The following BIRC6 variants were observed in gnomAD, a reference collection of about 807,000 sequenced individuals.
The protein encoded by BIRC6 is baculoviral IAP repeat containing 6, also known as dual E2 ubiquitin-conjugating enzyme/E3 ubiquitin-protein ligase BIRC6.
Under a neutral mutation model 503.3 loss-of-function variants are expected in BIRC6, and 98 were observed. The observed-to-expected ratio is 0.19, with a 90% CI of 0.17 to 0.23. The LOEUF (loss-of-function observed/expected upper bound fraction) is 0.23, where lower values mean the gene tolerates loss of function less well. Ranked by LOEUF, BIRC6 falls within the 10% of genes least tolerant of loss-of-function variation. BIRC6 has a pLI of 1.00. For missense variants in BIRC6, 5,360 were observed against 5,806.0 expected, an observed-to-expected ratio of 0.92 and a Z score of 2.50; for synonymous variants, 2,240 against 2,078.7, an observed-to-expected ratio of 1.08 and a Z score of -2.11.
chr2:32,473,008 A>G, intron 32 of BIRC6, 104 bp from the exon 33 acceptor site: 2 of 963,836 alleles, frequency 2.1e-6, no homozygotes, highest in Non-Finnish European at 3.0e-6. Context: ...ACTGCTTTTC[A>G]TGATTGACAC....
In BIRC6 at chr2:32,574,160, CTTT is replaced by C. The variant is rs1055060322; in HGVS notation, c.13145-979_13145-977del. Among the ~76,000 whole-genome samples, 1,241 of 124,682 alleles carry C rather than the reference CTTT, an allele frequency of 1.0e-2. 8 individuals are homozygous for C. Among genetic ancestry groups the C allele is most frequent in the Middle Eastern group, 0.024 (6 of 246 alleles). The allele number at this position is 124,682 out of a possible 152,430, so 81.8% of individuals were successfully genotyped here. ...TTTGAGAATCCAAGTATAACTTTTT[CTTT>C]TTTTTTTTTTTTTTTTGAGGCGGGA... is the stretch of plus-strand genomic sequence containing the variant. On this transcript the variant is annotated intron_variant, in intron 65 of 73. Coordinates refer to ENST00000421745, the MANE Select transcript of BIRC6 (RefSeq NM_016252.4).
chr2:32,443,507 C>G lies in BIRC6; in HGVS notation c.4255C>G (p.Pro1419Ala), dbSNP rs1344762041. The stretch of plus-strand genomic sequence containing the variant: ...ATTTTTCAGTAATGGCAAATGTGAC[C>G]CATGTCAACCAGCATTTGGACCTGT... ...ALCISNGKCD[P>A]CQPAFGPVLL... The change falls in exon 20 of 74, where the codon CCA becomes GCA. Residue 1419 changes from proline (P) to alanine (A), a missense_variant. Physicochemically the swap from Pro to Ala is conservative, Grantham distance 27 (BLOSUM62 -1). This residue lies in a region of BIRC6 where 2,299 missense variants were observed against 2,267.2 expected (regional missense o/e 1.01). Coordinates refer to ENST00000421745, the MANE Select transcript of BIRC6 (RefSeq NM_016252.4). The G allele has an allele frequency of 1.9e-6, 3 of 1,603,424 alleles. No homozygotes were observed. The Admixed American group carries it at 5.1e-5, about 27-fold the overall frequency.
chr2:32,572,151 T>C (rs1466967960), intron 65 of BIRC6, among the ~76,000 whole-genome samples: 4 of 152,216 alleles, frequency 2.6e-5, no homozygotes, highest in African/African-American at 9.6e-5. Flanking sequence ...TAACGTGGTC[T>C]GTCTAGGAGA....
intron 62 of BIRC6, among the ~76,000 whole-genome samples, chr2:32,544,579 G>T (rs2057919726): frequency 6.7e-6 from 1 of 148,240 alleles, no homozygotes; most frequent in African/African-American, 2.5e-5. Context: ...AAAATCACAT[G>T]GTTTTGATTA....
chr2:32,442,369 T>A lies in BIRC6; in HGVS notation c.4152T>A (p.Phe1384Leu), dbSNP rs185120003. ...NENLLSKTRKFLSDIVRVCFF... is the reference protein window; with the variant it reads ...NENLLSKTRKLLSDIVRVCFF... ...ACCTACTTTCAAAAACACGAAAATT[T>A]CTGTCAGACATCGTACGTGTTTGCT... The change falls in exon 19 of 74, where the codon TTT (phenylalanine) becomes TTA (leucine). Residue 1384 changes from phenylalanine (F) to leucine (L), a missense_variant. Coordinates refer to ENST00000421745, the MANE Select transcript of BIRC6 (RefSeq NM_016252.4). 107 of 1,612,470 alleles carry A rather than the reference T, an allele frequency of 6.6e-5. No homozygotes were observed. The East Asian group carries it at 2.3e-3, about 35-fold the overall frequency.
intron 6 of BIRC6, among the ~76,000 whole-genome samples, chr2:32,398,061 A>G (rs1052097553): frequency 1.3e-5 from 2 of 152,108 alleles, no homozygotes; most frequent in Non-Finnish European, 2.9e-5. Flanking sequence ...TCTGAATTGT[A>G]AAGGGGAAAG....
intron 9 of BIRC6, among the ~76,000 whole-genome samples, chr2:32,413,723 A>AT (rs1486171617): frequency 6.6e-6 from 1 of 151,858 alleles, no homozygotes; most frequent in African/African-American, 2.4e-5. Flanking sequence ...AAGAAAAAAA[A>AT]CAGCCTGGTA....
At chr2:32,475,159 TAAAAA>T (rs11394641) in intron 33 of BIRC6, among the ~76,000 whole-genome samples, 1 of 114,254 alleles carries the variant, frequency 8.8e-6, no homozygotes, top group Admixed American at 9.5e-5. Context: ...AAGACTATCT[TAAAAA>T]AAAAAAAAAA....
At chr2:32,525,047 A>AT in intron 58 of BIRC6, 28 bp downstream of exon 58, 1 of 1,455,624 alleles carries the variant, frequency 6.9e-7, no homozygotes, top group African/African-American at 1.5e-5. Context: ...TATAATCTTG[A>AT]TTTTGTTTGG....
intron 46 of BIRC6, among the ~76,000 whole-genome samples, chr2:32,500,487 G>A (rs1054880605): frequency 1.3e-5 from 2 of 150,428 alleles, no homozygotes; most frequent in Non-Finnish European, 3.0e-5. Context: ...GCGCGATCTC[G>A]GCTCACTGTA....
intron 66 of BIRC6, among the ~76,000 whole-genome samples, chr2:32,583,734 A>AT (rs772571678): frequency 6.6e-6 from 1 of 151,880 alleles, no homozygotes; most frequent in East Asian, 1.9e-4. Flanking sequence ...ACGTATTGTA[A>AT]TTTTTTTTCC....
intron 10 of BIRC6, among the ~76,000 whole-genome samples, chr2:32,421,852 T>C (rs936140769): frequency 2.0e-5 from 3 of 152,242 alleles, no homozygotes; most frequent in Non-Finnish European, 2.9e-5. Context: ...TGTATACGTG[T>C]ATGTTTTTTA....
At position 32,609,830 on chromosome 2, in the gene BIRC6, G is replaced by A. The variant is rs2062736423; in HGVS notation, c.14260-1618G>A. Among the ~76,000 whole-genome samples the A allele has an allele frequency of 2.6e-5, 4 of 151,868 alleles. No individual in the cohort carries two copies. In the South Asian group the frequency reaches 8.4e-4, roughly 32 times the overall value. The stretch of plus-strand genomic sequence containing the variant: ...ATAAACACAGGGAACTCAGAGAAGG[G>A]GATGACTTTTACAAAAAGCAAATAT... On this transcript the variant is annotated intron_variant, in intron 72 of 73. Coordinates refer to ENST00000421745, the MANE Select transcript of BIRC6 (RefSeq NM_016252.4).
rs2056196843 is a variant in BIRC6 at position 32,525,595 on chromosome 2, C to T, written c.11887C>T (p.Pro3963Ser). The part of the protein sequence containing the change: ...AEAANKIITV[P>S]VFHLFHKLLA... ...GGCTGCCAACAAAATAATTACTGTC[C>T]CAGTGTTTCACCTGTTTCACAAACT... The change falls in exon 59 of 74, where the codon CCA (proline) becomes TCA (serine). Residue 3963 changes from proline to serine, a missense_variant. Pro to Ser is a moderately conservative substitution (Grantham distance 74). Around this residue, in one of 16 missense-constraint regions of BIRC6, gnomAD observed 878 missense variants for 928.9 expected, o/e 0.95. Coordinates refer to ENST00000421745, the MANE Select transcript of BIRC6 (RefSeq NM_016252.4). 1.2e-6 allele frequency: 2 copies of T among 1,613,520 alleles called. No individual in the cohort carries two copies. Among genetic ancestry groups the T allele is most frequent in the African/African-American group, 2.7e-5 (2 of 74,904 alleles).
At chr2:32,555,971 A>C (rs573601809) in intron 65 of BIRC6, among the ~76,000 whole-genome samples, 3 of 151,624 alleles carry the variant, frequency 2.0e-5, no homozygotes, top group African/African-American at 7.3e-5. Context: ...AGCCCAAAGT[A>C]TATTTTAATA....
intron 9 of BIRC6, among the ~76,000 whole-genome samples, chr2:32,412,839 A>G (rs1032393488): frequency 1.8e-4 from 28 of 152,330 alleles, no homozygotes; most frequent in Admixed American, 8.5e-4. Flanking sequence ...TGACAGATGC[A>G]TAAGTAGTAT....
At position 32,603,351 on chromosome 2, in the gene BIRC6, A is replaced by G. The variant is rs76066639; in HGVS notation, c.14070+268A>G. ...AAATTCCAGGCCAGGCGCAGTGCCC[A>G]CCGTTACCTGTGTTTCTTGATTTCT... is the stretch of plus-strand genomic sequence containing the variant. On this transcript the variant is annotated intron_variant, in intron 71 of 73. Transcript: ENST00000421745. Among the ~76,000 whole-genome samples, 755 of 152,240 alleles carry G rather than the reference A, an allele frequency of 5.0e-3. 30 individuals are homozygous for G. The East Asian group carries it at 0.096, about 19-fold the overall frequency.
chr2:32,550,612 A>G (rs906970526), intron 65 of BIRC6, among the ~76,000 whole-genome samples: 4 of 152,064 alleles, frequency 2.6e-5, no homozygotes, highest in Non-Finnish European at 5.9e-5. Flanking sequence ...TTTTTATCTC[A>G]CTTCTCTATT....
At chr2:32,498,956 G>A (rs1393259800) in intron 45 of BIRC6, among the ~76,000 whole-genome samples, 1 of 152,128 alleles carries the variant, frequency 6.6e-6, no homozygotes, top group Non-Finnish European at 1.5e-5. Context: ...CGCCACAAGT[G>A]ATCTGCCCAC....
Sources: gnomAD v4.1 joint callset for allele counts (sites outside exome capture counted in the v4.1 genomes callset) on GRCh38, gnomAD v4.1.1 for gene constraint, gnomAD v4.1.1 regional missense constraint, MANE v1.5 for transcripts, NCBI Gene and HGNC (gene_info 2026-07-23, HGNC 2026-07-21) for gene names.